GPHN: variants seen among roughly 807,000 people sequenced by gnomAD.
GPHN encodes the protein gephyrin.
GPHN carries 17 observed loss-of-function variants against 95.5 expected under a neutral mutation model. The observed-to-expected ratio is 0.18, with a 90% CI of 0.12 to 0.27. The LOEUF (loss-of-function observed/expected upper bound fraction) is 0.27. Ranked by LOEUF, GPHN falls within the 10% of genes least tolerant of loss-of-function variation. The pLI, the probability that GPHN is intolerant of heterozygous loss-of-function variation, is 1.00. For synonymous variants in GPHN, 320 were observed against 322.5 expected, an observed-to-expected ratio of 0.99 and a Z score of 0.08; for missense variants, 660 against 978.1, an observed-to-expected ratio of 0.67 and a Z score of 4.34.
At chr14:67,708,891 C>A in the GPHN span, among the ~76,000 whole-genome samples, 1 of 150,274 alleles carries the variant, frequency 6.7e-6, no homozygotes, top group Admixed American at 6.7e-5. Flanking sequence ...CCCTCAGGTT[C>A]AAGTGATTCT....
chr14:66,799,029 T>C lies in GPHN; in HGVS notation c.201+22508T>C, dbSNP rs559030182. Among the ~76,000 whole-genome samples, 8 of 152,094 alleles carry C rather than the reference T, an allele frequency of 5.3e-5. No homozygotes were observed. In the South Asian group the frequency reaches 1.7e-3, roughly 32 times the overall value. On this transcript the variant is annotated intron_variant, in intron 3 of 22. Transcript: ENST00000478722. Reference sequence around the variant, plus strand: ...ATGTATTGTTTCTGTTATCATTTGTTTCAATAAATTTTTCAGTTTTCTTCT... The same window carrying C: ...ATGTATTGTTTCTGTTATCATTTGTCTCAATAAATTTTTCAGTTTTCTTCT...
the GPHN span, among the ~76,000 whole-genome samples, chr14:67,658,513 A>C: frequency 6.6e-6 from 1 of 152,102 alleles, no homozygotes; most frequent in Non-Finnish European, 1.5e-5. Flanking sequence ...AGGAGAATGG[A>C]GTGAACCCGG....
chr14:67,273,317 C>G, the GPHN span, among the ~76,000 whole-genome samples: 1 of 151,752 alleles, frequency 6.6e-6, no homozygotes, highest in Non-Finnish European at 1.5e-5. Flanking sequence ...GTTCCCCACC[C>G]TGTGTCCAAG....
At chr14:67,136,987 ACT>A (rs2080113526) in intron 17 of GPHN, among the ~76,000 whole-genome samples, 1 of 151,818 alleles carries the variant, frequency 6.6e-6, no homozygotes, top group Non-Finnish European at 1.5e-5. Context: ...ACATGGCAAA[ACT>A]CTACTAAAAA....
intron 2 of GPHN, among the ~76,000 whole-genome samples, chr14:66,708,541 A>G (rs886474333): frequency 6.6e-6 from 1 of 152,184 alleles, no homozygotes; most frequent in Admixed American, 6.5e-5. Context: ...TACAAGATAA[A>G]TAACTCCCCT....
the GPHN span, among the ~76,000 whole-genome samples, chr14:67,331,728 G>A: frequency 6.6e-5 from 10 of 151,992 alleles, no homozygotes; most frequent in Admixed American, 2.6e-4. Context: ...AGGTGGATTC[G>A]GGCTTTATCA....
intron 1 of GPHN, among the ~76,000 whole-genome samples, chr14:66,525,626 G>T (rs1242545431): frequency 6.6e-6 from 1 of 152,130 alleles, no homozygotes; most frequent in Non-Finnish European, 1.5e-5. Context: ...ATGGTTTTAG[G>T]TCTTACATTT....
chr14:67,112,477 C>G (rs2078433476), intron 15 of GPHN, among the ~76,000 whole-genome samples: 1 of 152,164 alleles, frequency 6.6e-6, no homozygotes, highest in African/African-American at 2.4e-5. Flanking sequence ...TACACTTCTC[C>G]CATCCCTATG....
At chr14:67,582,355 G>T in the GPHN span, 1 of 1,376,978 alleles carries the variant, frequency 7.3e-7, no homozygotes. The surrounding 1 kb of genome is among the most constrained non-coding windows in gnomAD (Gnocchi z 5.0). Flanking sequence ...GAAAGCAGCT[G>T]ACTTCTACAG....
the GPHN span, among the ~76,000 whole-genome samples, chr14:67,423,022 C>T: frequency 1.3e-5 from 2 of 151,582 alleles, no homozygotes; most frequent in Non-Finnish European, 2.9e-5. Context: ...TTAGTAGAGA[C>T]GGGTTTCTTC....
chr14:67,223,675 C>T, the GPHN span: 1 of 929,984 alleles, frequency 1.1e-6, no homozygotes, highest in Non-Finnish European at 1.3e-6. Context: ...AATTATTTTC[C>T]CTGTTTGTTT....
chr14:67,662,549 A>ATC, the GPHN span: 2 of 1,602,842 alleles, frequency 1.2e-6, no homozygotes, highest in East Asian at 4.5e-5. Context: ...GAAAAGATAG[A>ATC]TAAGTTTCAA....
intron 2 of GPHN, among the ~76,000 whole-genome samples, chr14:66,752,394 G>C (rs1156563836): frequency 1.3e-5 from 2 of 152,076 alleles, no homozygotes; most frequent in Admixed American, 1.3e-4. Context: ...GATTTAAAGT[G>C]AGAGATATGT....
intron 1 of GPHN, among the ~76,000 whole-genome samples, chr14:66,604,771 A>AGGT (rs2062434217): frequency 6.6e-6 from 1 of 152,066 alleles, no homozygotes; most frequent in African/African-American, 2.4e-5. Context: ...CATGATGCTG[A>AGGT]GGTTTGGGAT....
At chr14:67,331,655 A>G in the GPHN span, among the ~76,000 whole-genome samples, 1 of 152,188 alleles carries the variant, frequency 6.6e-6, no homozygotes, top group Non-Finnish European at 1.5e-5. Flanking sequence ...GAAGTACTAA[A>G]TAAGTGATAT....
the GPHN span, chr14:67,474,023 C>T: frequency 5.0e-6 from 7 of 1,405,222 alleles, no homozygotes; most frequent in Non-Finnish European, 6.6e-6. Flanking sequence ...GAGGCCGAGG[C>T]GGCGGATCAC....
chr14:66,719,114 C>T (rs7145676), intron 2 of GPHN, among the ~76,000 whole-genome samples: 47,265 of 152,056 alleles, frequency 0.31, 11,159 homozygotes, highest in African/African-American at 0.63. Context: ...TGAGAACTTG[C>T]ACCAGGCTAC....
chr14:66,547,444 G>T (rs2059643587), intron 1 of GPHN, among the ~76,000 whole-genome samples: 1 of 152,132 alleles, frequency 6.6e-6, no homozygotes, highest in African/African-American at 2.4e-5. Context: ...GCAAAATCTG[G>T]TATTGTCATA....
At chr14:66,867,588 C>T (rs2063276553) in intron 4 of GPHN, among the ~76,000 whole-genome samples, 1 of 152,048 alleles carries the variant, frequency 6.6e-6, no homozygotes, top group Non-Finnish European at 1.5e-5. Context: ...ATAGGAGCAG[C>T]CTCAGAATTG....
Sources: allele counts gnomAD v4.1 joint callset (sites outside exome capture counted in the v4.1 genomes callset), GRCh38; gene constraint gnomAD v4.1.1; non-coding constraint Gnocchi (gnomAD v3.1); transcripts MANE v1.5; gene names NCBI Gene and HGNC (gene_info 2026-07-23, HGNC 2026-07-21).